Variants in CLGN observed in about 807,000 individuals in gnomAD.
CLGN encodes the protein calmegin.
Under a neutral mutation model 79.1 loss-of-function variants are expected in CLGN, and 62 were observed. The ratio of observed to expected loss-of-function variants is 0.78; its 90% CI spans 0.64 to 0.97. The LOEUF is 0.97. Among genes scored for constraint, CLGN ranks in the 50% least tolerant of loss-of-function variants. The probability of loss-of-function intolerance (pLI) is 0.00; values close to 1 mark genes in which losing one functional copy is unlikely to be tolerated. For missense variants in CLGN, 647 were observed against 715.5 expected, an observed-to-expected ratio of 0.90 and a Z score of 1.09; for synonymous variants, 225 against 224.7, an observed-to-expected ratio of 1.00 and a Z score of -0.01.
chr4:140,413,343 G>T (rs1387264068), intron 1 of CLGN, among the ~76,000 whole-genome samples: 1 of 152,184 alleles, frequency 6.6e-6, no homozygotes, highest in Non-Finnish European at 1.5e-5. Flanking sequence ...TCTAAAGATG[G>T]GGGGAGGAGC....
intron 1 of CLGN, among the ~76,000 whole-genome samples, chr4:140,422,038 G>C (rs1327249424): frequency 6.6e-6 from 1 of 152,058 alleles, no homozygotes; most frequent in Non-Finnish European, 1.5e-5. Flanking sequence ...TGAGAAGACT[G>C]TCCTTTCTCA....
chr4:140,413,627 C>T lies in CLGN; in HGVS notation c.-9-540G>A, dbSNP rs993835715. Among the ~76,000 whole-genome samples the T allele has an allele frequency of 5.3e-5, 8 of 152,338 alleles. No individual in the cohort carries two copies. The Middle Eastern group carries it at 0.014, about 259-fold the overall frequency. On this transcript the variant is annotated intron_variant, in intron 1 of 14. Coordinates refer to ENST00000325617, the MANE Select transcript of CLGN (RefSeq NM_004362.3). ...ACCTGGAAAATCGGGTCACTCCCAC[C>T]GGAATACTGCGCTTTTCCAACAGGC... is the stretch of plus-strand genomic sequence containing the variant.
chr4:140,401,734 G>A (rs1434429141), intron 6 of CLGN, among the ~76,000 whole-genome samples: 6 of 151,986 alleles, frequency 3.9e-5, no homozygotes, highest in East Asian at 1.9e-4. Context: ...TAAGTATCAC[G>A]TAGTTTTTGT....
intron 1 of CLGN, among the ~76,000 whole-genome samples, chr4:140,423,787 T>C (rs1031404839): frequency 2.6e-5 from 4 of 152,196 alleles, no homozygotes; most frequent in African/African-American, 9.6e-5. Flanking sequence ...CCATTTAATC[T>C]AGGTTATCCA....
chr4:140,413,129 T>G (rs771233968), intron 1 of CLGN, 42 bp from the exon 2 acceptor site: 2 of 1,451,650 alleles, frequency 1.4e-6, no homozygotes, highest in East Asian at 4.6e-5. Flanking sequence ...AACAAAATTG[T>G]GAAAATAAGT....
rs144835543 is a variant in CLGN, at chr4:140,412,995, C to T, written c.84G>A (p.Thr28=). The T allele has an allele frequency of 2.0e-4, 322 of 1,613,330 alleles. No homozygotes were observed. Among genetic ancestry groups the T allele is most frequent in the African/African-American group, 1.6e-3 (119 of 74,986 alleles). Residue 28 remains threonine, a synonymous_variant, in exon 2 of 15, where the codon ACG becomes ACA. Transcript: ENST00000325617. ...NAEFMDDDVE[T]EDFEENSEEI... ...CTTCTGAATTTTCTTCAAAGTCTTC[C>T]GTCTCAACATCATCATCCATAAATT...
Position 140,410,925 on chromosome 4 carries a change from G to T in CLGN, c.145-299C>A, listed in dbSNP as rs189266070. Among the ~76,000 whole-genome samples the T allele has an allele frequency of 8.3e-4, 126 of 152,100 alleles. 1 individual carries two copies. The highest frequency in any genetic ancestry group is 2.6e-3 in the African/African-American group (110 of 41,526). ...CAATATTTATGGATAAAACTCTTTGGGAGCAAAGGAAACAGCATAATGAAA... is the reference window on the plus strand; with the variant it reads ...CAATATTTATGGATAAAACTCTTTGTGAGCAAAGGAAACAGCATAATGAAA... On this transcript the variant is annotated intron_variant, in intron 2 of 14. Coordinates refer to ENST00000325617, the MANE Select transcript of CLGN (RefSeq NM_004362.3).
intron 4 of CLGN, among the ~76,000 whole-genome samples, chr4:140,408,143 T>C (rs1324358187): frequency 6.6e-6 from 1 of 152,118 alleles, no homozygotes; most frequent in African/African-American, 2.4e-5. Flanking sequence ...AGAATGAAAC[T>C]GGATCCTTAC....
intron 5 of CLGN, 92 bp downstream of exon 5, chr4:140,405,850 T>G (rs1473955991): frequency 6.9e-6 from 9 of 1,303,710 alleles, no homozygotes; most frequent in Middle Eastern, 5.0e-4. Flanking sequence ...AGATCTAGAT[T>G]TTCACATCCA....
intron 1 of CLGN, among the ~76,000 whole-genome samples, chr4:140,423,312 C>T (rs1261470388): frequency 1.3e-5 from 2 of 152,168 alleles, no homozygotes; most frequent in African/African-American, 4.8e-5. Flanking sequence ...GTTCTCCCCT[C>T]CCTACATTGT....
chr4:140,405,482 C>G (rs1481551291), intron 5 of CLGN, among the ~76,000 whole-genome samples: 1 of 151,936 alleles, frequency 6.6e-6, no homozygotes, highest in Non-Finnish European at 1.5e-5. Flanking sequence ...CCGCGCCCGG[C>G]GATAACAAGT....
intron 1 of CLGN, among the ~76,000 whole-genome samples, chr4:140,418,229 G>C (rs1410381009): frequency 6.6e-6 from 1 of 151,850 alleles, no homozygotes; most frequent in African/African-American, 2.4e-5. Context: ...TTAAACGTTA[G>C]ACCTAAAACC....
intron 1 of CLGN, among the ~76,000 whole-genome samples, chr4:140,416,496 G>T (rs563198581): frequency 6.6e-6 from 1 of 152,104 alleles, no homozygotes; most frequent in Admixed American, 6.5e-5. Context: ...TCTAATAGAC[G>T]CAGCAAAAAA....
intron 2 of CLGN, among the ~76,000 whole-genome samples, chr4:140,412,628 A>G (rs1729234560): frequency 6.6e-6 from 1 of 152,182 alleles, no homozygotes; most frequent in South Asian, 2.1e-4. Context: ...TAGCAATGTC[A>G]AAAGTATGAA....
At position 140,394,011 on chromosome 4, in the gene CLGN, G is replaced by A. The variant is rs866469996; in HGVS notation, c.1180C>T (p.Pro394Ser). 6.2e-7 allele frequency: 1 copy of A among 1,613,304 alleles called. No homozygotes were observed. The highest frequency in any genetic ancestry group is 8.5e-7 in the Non-Finnish European group (1 of 1,179,584). Residue 394 changes from proline (P) to serine (S), a missense_variant, in exon 11 of 15, where the codon CCA (proline) becomes TCA (serine). Coordinates refer to ENST00000325617, the MANE Select transcript of CLGN (RefSeq NM_004362.3). ...GIWSPRKIPN[P>S]DYFEDDHPFL... ...GGATGATCATCTTCGAAATAATCTG[G>A]ATTAGGAATTTTTCGAGGACTCCAG... is the stretch of plus-strand genomic sequence containing the variant.
rs554423828 is a variant in CLGN, at chr4:140,398,836, G to T, written c.884+15C>A. ...TTATGCCAGATAATGCTTTGCTACC[G>T]AATTATTTGCTTACCAGTCTTCTGG... On this transcript the variant is annotated intron_variant, in intron 8 of 14. Transcript: ENST00000325617. 1.2e-6 allele frequency: 2 copies of T among 1,610,546 alleles called. No individual in the cohort carries two copies. Among genetic ancestry groups the T allele is most frequent in the South Asian group, 2.2e-5 (2 of 90,736 alleles).
intron 1 of CLGN, among the ~76,000 whole-genome samples, chr4:140,421,505 A>G (rs1483936198): frequency 2.0e-5 from 3 of 152,056 alleles, no homozygotes; most frequent in Non-Finnish European, 4.4e-5. Context: ...ATAGGTCCTA[A>G]TATGGCGTAG....
chr4:140,416,739 A>G (rs905359968), intron 1 of CLGN, among the ~76,000 whole-genome samples: 1 of 152,176 alleles, frequency 6.6e-6, no homozygotes, highest in Non-Finnish European at 1.5e-5. Flanking sequence ...GTCCAGGACC[A>G]GATGGATTCA....
intron 1 of CLGN, among the ~76,000 whole-genome samples, chr4:140,425,450 G>A (rs867059322): frequency 1.3e-5 from 2 of 151,094 alleles, no homozygotes; most frequent in African/African-American, 2.4e-5. Context: ...GTGTGTGTGT[G>A]TGTGTGTGTG....
Sources: allele counts gnomAD v4.1 joint callset (sites outside exome capture counted in the v4.1 genomes callset), GRCh38; gene constraint gnomAD v4.1.1; transcripts MANE v1.5; gene names NCBI Gene and HGNC (gene_info 2026-07-23, HGNC 2026-07-21).